SMYD3: variants seen among roughly 807,000 people sequenced by gnomAD.
SMYD3 encodes SET and MYND domain containing 3, also known as histone-lysine N-methyltransferase SMYD3.
SMYD3 carries 36 observed loss-of-function variants against 57.7 expected under a neutral mutation model. The observed-to-expected ratio is 0.62, with a 90% CI of 0.48 to 0.82. The LOEUF (loss-of-function observed/expected upper bound fraction) is 0.82, where lower values mean the gene tolerates loss of function less well. Ranked by LOEUF, SMYD3 falls within the 40% of genes least tolerant of loss-of-function variation. The probability of loss-of-function intolerance (pLI) is 0.00; values close to 1 mark genes in which losing one functional copy is unlikely to be tolerated. For synonymous variants in SMYD3, 211 were observed against 195.0 expected (o/e 1.08, Z -0.68); for missense variants, 515 against 538.8 (o/e 0.96, Z 0.44).
At chr1:246,406,199 C>T (rs2066864305) in intron 1 of SMYD3, among the ~76,000 whole-genome samples, 1 of 152,040 alleles carries the variant, frequency 6.6e-6, no homozygotes, top group Non-Finnish European at 1.5e-5. Context: ...GCTGGGACTA[C>T]AGGTGTGAGC....
chr1:246,395,010 G>A (rs1572457233), intron 1 of SMYD3, among the ~76,000 whole-genome samples: 1 of 152,118 alleles, frequency 6.6e-6, no homozygotes, highest in East Asian at 1.9e-4. Flanking sequence ...ACTTAGCTAT[G>A]CTTTATGATA....
At chr1:246,137,763 C>T (rs967442241) in intron 5 of SMYD3, among the ~76,000 whole-genome samples, 21 of 152,194 alleles carry the variant, frequency 1.4e-4, no homozygotes, top group African/African-American at 1.9e-4. Context: ...AGTCCCTGGG[C>T]GGAAGTAGCG....
At chr1:246,038,899 T>G (rs932379820) in intron 5 of SMYD3, among the ~76,000 whole-genome samples, 18 of 152,142 alleles carry the variant, frequency 1.2e-4, no homozygotes, top group African/African-American at 4.1e-4. Flanking sequence ...GAAAGTAAAA[T>G]GTTGCCAATT....
At chr1:246,110,523 C>G (rs929200606) in intron 5 of SMYD3, among the ~76,000 whole-genome samples, 23 of 152,350 alleles carry the variant, frequency 1.5e-4, no homozygotes, top group African/African-American at 5.5e-4. Context: ...TGCTGGCTCT[C>G]TCTCCCTTTG....
At chr1:246,403,971 G>T (rs1037038090) in intron 1 of SMYD3, among the ~76,000 whole-genome samples, 1 of 152,124 alleles carries the variant, frequency 6.6e-6, no homozygotes, top group Non-Finnish European at 1.5e-5. Flanking sequence ...TTCAGGTTTG[G>T]ATGCACACCT....
At chr1:246,429,785 G>A (rs932840567) in intron 1 of SMYD3, among the ~76,000 whole-genome samples, 3 of 151,832 alleles carry the variant, frequency 2.0e-5, no homozygotes, top group African/African-American at 7.3e-5. Flanking sequence ...GATATGACTG[G>A]CAAGTACTAA....
chr1:246,282,560 G>C (rs1304991067), intron 5 of SMYD3, among the ~76,000 whole-genome samples: 2 of 139,624 alleles, frequency 1.4e-5, no homozygotes, highest in Non-Finnish European at 3.2e-5. Context: ...AAAAAAAAAA[G>C]CTGCATGTAT....
rs115624121 is a variant in SMYD3 at position 245,915,494 on chromosome 1, C to T, written c.813+36G>A. 3,444 of 1,326,336 alleles carry T rather than the reference C, an allele frequency of 2.6e-3. 58 individuals are homozygous for T. The highest frequency in any genetic ancestry group is 0.023 in the South Asian group (1,840 of 80,428). 82.2% of individuals were successfully genotyped at this position (1,326,336 alleles called of 1,614,324 possible). A position where few individuals can be genotyped will look rare whatever the true frequency, so the allele number is the denominator to read the frequency against. On this transcript the variant is annotated intron_variant, in intron 8 of 11. Transcript: ENST00000490107. The stretch of plus-strand genomic sequence containing the variant: ...TCTCTGAAGATCATTGAGATTTTGC[C>T]GTGGAGGTGTTTCAATCTGGTTCCA...
At chr1:246,266,076 C>T (rs1040659291) in intron 5 of SMYD3, among the ~76,000 whole-genome samples, 1 of 152,172 alleles carries the variant, frequency 6.6e-6, no homozygotes, top group African/African-American at 2.4e-5. Flanking sequence ...CTTTTTAGTT[C>T]TTGTTTGCTG....
intron 5 of SMYD3, among the ~76,000 whole-genome samples, chr1:246,069,224 T>C (rs908629322): frequency 4.2e-4 from 64 of 152,264 alleles, no homozygotes; most frequent in African/African-American, 1.5e-3. Flanking sequence ...AAATGAAAAT[T>C]GTGAAACAGA....
chr1:246,269,336 ATCT>A (rs745750602), intron 5 of SMYD3, among the ~76,000 whole-genome samples: 5 of 152,190 alleles, frequency 3.3e-5, no homozygotes, highest in Non-Finnish European at 5.9e-5. Context: ...AATGAATATA[ATCT>A]TCTTAACATT....
At chr1:246,291,990 C>A (rs1290485709) in intron 5 of SMYD3, among the ~76,000 whole-genome samples, 4 of 151,710 alleles carry the variant, frequency 2.6e-5, no homozygotes, top group South Asian at 2.1e-4. Flanking sequence ...TCCAACACAC[C>A]AGCATCTTAG....
chr1:245,936,841 A>T (rs2057004647), intron 5 of SMYD3, among the ~76,000 whole-genome samples: 1 of 149,368 alleles, frequency 6.7e-6, no homozygotes, highest in Admixed American at 6.7e-5. Flanking sequence ...CACTCCAATG[A>T]CTGTCCCCGC....
At chr1:246,495,430 C>G (rs2103072626) in intron 1 of SMYD3, among the ~76,000 whole-genome samples, 1 of 151,454 alleles carries the variant, frequency 6.6e-6, no homozygotes, top group Non-Finnish European at 1.5e-5. Flanking sequence ...AGGGCAGGAC[C>G]CATGCACCAG....
At chr1:246,470,071 G>T (rs961585602) in intron 1 of SMYD3, among the ~76,000 whole-genome samples, 2 of 152,018 alleles carry the variant, frequency 1.3e-5, no homozygotes, top group Admixed American at 6.6e-5. Context: ...ATCTAATTCG[G>T]TTTTTTTATT....
intron 5 of SMYD3, among the ~76,000 whole-genome samples, chr1:246,008,544 T>C (rs767304907): frequency 6.6e-6 from 1 of 152,198 alleles, no homozygotes; most frequent in Non-Finnish European, 1.5e-5. Flanking sequence ...AAGAATGCCA[T>C]GACTATTTTT....
chr1:246,098,752 T>C lies in SMYD3; in HGVS notation c.532-168815A>G, dbSNP rs193183976. Among the ~76,000 whole-genome samples the C allele has an allele frequency of 3.0e-3, 456 of 152,306 alleles. 6 individuals are homozygous for C. The highest frequency in any genetic ancestry group is 0.01 in the Middle Eastern group (3 of 294). ...GGTATTTAGATTGTAAGTATTTTAT[T>C]ATACTCAACTTTTCAAAAACATAAT... On this transcript the variant is annotated intron_variant, in intron 5 of 11. Coordinates refer to ENST00000490107, the MANE Select transcript of SMYD3 (RefSeq NM_001167740.2).
intron 10 of SMYD3, among the ~76,000 whole-genome samples, chr1:245,835,837 T>C (rs1374953953): frequency 6.6e-6 from 1 of 152,220 alleles, no homozygotes; most frequent in Non-Finnish European, 1.5e-5. Context: ...GCCAAGGTGT[T>C]TGATCCTCTC....
At position 246,389,994 on chromosome 1, in the gene SMYD3, C is replaced by T. The variant is rs77867284; in HGVS notation, c.165-34900G>A. Among the ~76,000 whole-genome samples, 980 of 152,202 alleles carry T rather than the reference C, an allele frequency of 6.4e-3. 13 individuals are homozygous for T. Among genetic ancestry groups the T allele is most frequent in the African/African-American group, 0.022 (916 of 41,526 alleles). On this transcript the variant is annotated intron_variant, in intron 1 of 11. Coordinates refer to ENST00000490107, the MANE Select transcript of SMYD3 (RefSeq NM_001167740.2). ...ATCTTTGCTACCAGAAGGGGCAGATCTGCTGCGGGATGGGGGGCAAAACTC... is the reference window on the plus strand; with the variant it reads ...ATCTTTGCTACCAGAAGGGGCAGATTTGCTGCGGGATGGGGGGCAAAACTC...
Sources: allele counts gnomAD v4.1 joint callset (sites outside exome capture counted in the v4.1 genomes callset), GRCh38; gene constraint gnomAD v4.1.1; transcripts MANE v1.5; gene names NCBI Gene and HGNC (gene_info 2026-07-23, HGNC 2026-07-21).